Variants in NPSR1 observed in about 807,000 individuals in gnomAD.
NPSR1 encodes neuropeptide S receptor 1.
NPSR1 carries 48 observed loss-of-function variants against 46.9 expected under a neutral mutation model. The ratio of observed to expected loss-of-function variants is 1.02; its 90% CI spans 0.81 to 1.30. The LOEUF (loss-of-function observed/expected upper bound fraction) is 1.30. Ranked by LOEUF, NPSR1 falls within the 50% of genes most tolerant of loss-of-function variation. The probability of loss-of-function intolerance (pLI) is 0.00; values close to 1 mark genes in which losing one functional copy is unlikely to be tolerated. For synonymous variants in NPSR1, 176 were observed against 168.1 expected (o/e 1.05, Z -0.36); for missense variants, 450 against 449.5 (o/e 1.00, Z -0.01).
At chr7:34,732,042 G>A (rs978349456) in intron 2 of NPSR1, among the ~76,000 whole-genome samples, 4 of 142,894 alleles carry the variant, frequency 2.8e-5, no homozygotes, top group Admixed American at 2.1e-4. Context: ...CAGGCTCCAC[G>A]GCATTCCAGC....
chr7:34,775,684 T>C lies in NPSR1; in HGVS notation c.281-2778T>C, dbSNP rs181879745. On this transcript the variant is annotated intron_variant, in intron 2 of 8. Coordinates refer to ENST00000360581, the MANE Select transcript of NPSR1 (RefSeq NM_207172.2). ...CATGACATTTCAAAAATCCAACTTTTTGTTTCATTGATATTTTGTATTGTT... is the reference window on the plus strand; with the variant it reads ...CATGACATTTCAAAAATCCAACTTTCTGTTTCATTGATATTTTGTATTGTT... 3.4e-3 allele frequency among the ~76,000 whole-genome samples: 522 copies of C among 152,276 alleles called. 3 individuals carry two copies. Among genetic ancestry groups the C allele is most frequent in the African/African-American group, 0.012 (507 of 41,598 alleles).
In NPSR1 at chr7:34,658,564, G is replaced by A. The variant is rs1458979830; in HGVS notation, c.147+5G>A. ...TCCTTCTACTACTCCTTTAAGGTAA[G>A]TTTCTTGCCTGCGACTCTGAACACT... On this transcript the variant is annotated splice_donor_5th_base_variant and intron_variant, in intron 1 of 8. Coordinates refer to ENST00000360581, the MANE Select transcript of NPSR1 (RefSeq NM_207172.2). 8 of 1,613,682 alleles carry A rather than the reference G, an allele frequency of 5.0e-6. No homozygotes were observed. In the East Asian group the frequency reaches 1.8e-4, roughly 36 times the overall value.
intron 2 of NPSR1, among the ~76,000 whole-genome samples, chr7:34,754,585 C>T (rs1238977338): frequency 6.6e-6 from 1 of 151,898 alleles, no homozygotes; most frequent in Non-Finnish European, 1.5e-5. Context: ...CCCAGACAGG[C>T]TTCACCTAAT....
intron 3 of NPSR1, among the ~76,000 whole-genome samples, chr7:34,780,202 T>C (rs1787168764): frequency 6.6e-6 from 1 of 152,184 alleles, no homozygotes; most frequent in African/African-American, 2.4e-5. Context: ...CAACTTGGAT[T>C]CAGTATGGGA....
chr7:34,683,446 C>CAAAA lies in NPSR1; in HGVS notation c.148-1095_148-1092dup, dbSNP rs34732541. Among the ~76,000 whole-genome samples the CAAAA allele has an allele frequency of 4.9e-3, 553 of 113,174 alleles. 8 individuals are homozygous for CAAAA. The highest frequency in any genetic ancestry group is 0.016 in the African/African-American group (512 of 32,390). The allele number at this position is 113,174 out of a possible 152,430, so 74.2% of individuals were successfully genotyped here. On this transcript the variant is annotated intron_variant, in intron 1 of 8. Transcript: ENST00000360581. ...TGGGTGACAGAGTGAGACTCTGTCA[C>CAAAA]AAAAAAAAAAAAAATATTTCTTAGA...
intron 2 of NPSR1, among the ~76,000 whole-genome samples, chr7:34,698,999 C>G (rs1793682787): frequency 6.6e-6 from 1 of 152,138 alleles, no homozygotes; most frequent in South Asian, 2.1e-4. Context: ...AGATGACCAT[C>G]TGATTAAGGA....
chr7:34,733,425 A>AG (rs1784525297), intron 2 of NPSR1, among the ~76,000 whole-genome samples: 1 of 151,594 alleles, frequency 6.6e-6, no homozygotes, highest in African/African-American at 2.4e-5. Flanking sequence ...TCTTAAAAAA[A>AG]AAAAAAAAAG....
At chr7:34,858,073 C>CT (rs1287593696) in intron 8 of NPSR1, among the ~76,000 whole-genome samples, 2 of 151,860 alleles carry the variant, frequency 1.3e-5, no homozygotes, top group East Asian at 3.9e-4. Context: ...ATCAGAAATG[C>CT]TTATCTTGTG....
intron 2 of NPSR1, among the ~76,000 whole-genome samples, chr7:34,741,211 G>A (rs2128719069): frequency 6.6e-6 from 1 of 152,286 alleles, no homozygotes; most frequent in East Asian, 1.9e-4. Context: ...TTTTGCATGT[G>A]TAGATTTGTG....
At chr7:34,781,992 A>G (rs542533331) in intron 3 of NPSR1, among the ~76,000 whole-genome samples, 16 of 152,136 alleles carry the variant, frequency 1.1e-4, no homozygotes, top group Non-Finnish European at 2.1e-4. Flanking sequence ...CTCCTTGACT[A>G]ATTTATACGT....
At chr7:34,667,179 G>A (rs1791794107) in intron 1 of NPSR1, among the ~76,000 whole-genome samples, 1 of 152,118 alleles carries the variant, frequency 6.6e-6, no homozygotes, top group East Asian at 1.9e-4. Context: ...CTGGAGCCAT[G>A]GGCTCTGGAC....
intron 3 of NPSR1, among the ~76,000 whole-genome samples, chr7:34,780,219 G>A (rs1232686350): frequency 1.3e-5 from 2 of 152,146 alleles, no homozygotes; most frequent in African/African-American, 2.4e-5. Context: ...GGGAAAAGAA[G>A]AACCACAAAA....
chr7:34,697,145 T>A (rs967352157), intron 2 of NPSR1, among the ~76,000 whole-genome samples: 2 of 151,960 alleles, frequency 1.3e-5, no homozygotes, highest in Non-Finnish European at 1.5e-5. Context: ...TTATTTTTTT[T>A]ATACTATTCT....
intron 8 of NPSR1, chr7:34,877,940 A>G: frequency 1.8e-6 from 1 of 561,728 alleles, no homozygotes; most frequent in South Asian, 2.4e-5. Flanking sequence ...TATTAAGTAC[A>G]AAGTGAAGAA....
intron 2 of NPSR1, among the ~76,000 whole-genome samples, chr7:34,734,320 G>C (rs1399929999): frequency 6.6e-6 from 1 of 152,156 alleles, no homozygotes; most frequent in Non-Finnish European, 1.5e-5. Flanking sequence ...TAAGAATTGA[G>C]AATGCTACTC....
At chr7:34,804,771 A>G (rs1303173749) in intron 3 of NPSR1, among the ~76,000 whole-genome samples, 1 of 152,006 alleles carries the variant, frequency 6.6e-6, no homozygotes, top group East Asian at 1.9e-4. Flanking sequence ...CTATATTAAA[A>G]TCTGAAAGAA....
In NPSR1 at chr7:34,660,140, A is replaced by T. The variant is rs767841872; in HGVS notation, c.147+1581A>T. 1.8e-4 allele frequency: 83 copies of T among 456,648 alleles called. 1 individual carries two copies. The highest frequency in any genetic ancestry group is 3.2e-4 in the Middle Eastern group (1 of 3,098). 28.3% of individuals were successfully genotyped at this position (456,648 alleles called of 1,614,324 possible). A position where few individuals can be genotyped will look rare whatever the true frequency, so the allele number is the denominator to read the frequency against. On this transcript the variant is annotated intron_variant, in intron 1 of 8. Transcript: ENST00000360581. The stretch of plus-strand genomic sequence containing the variant: ...TATCCTAGCAACATCATCGCCAGAC[A>T]CTAAAGAGAATCACAGCATCTCTAG...
At chr7:34,794,093 A>C (rs191256498) in intron 3 of NPSR1, among the ~76,000 whole-genome samples, 1 of 152,228 alleles carries the variant, frequency 6.6e-6, no homozygotes, top group African/African-American at 2.4e-5. Context: ...GGTATGGGAG[A>C]ACACTGGTCA....
At chr7:34,831,196 G>A (rs1790100613) in intron 5 of NPSR1, among the ~76,000 whole-genome samples, 1 of 152,084 alleles carries the variant, frequency 6.6e-6, no homozygotes, top group African/African-American at 2.4e-5. Flanking sequence ...AACAGTTGGT[G>A]AATATTAGAT....
Sources: gnomAD v4.1 joint callset for allele counts (sites outside exome capture counted in the v4.1 genomes callset) on GRCh38, gnomAD v4.1.1 for gene constraint, MANE v1.5 for transcripts, NCBI Gene and HGNC (gene_info 2026-07-23, HGNC 2026-07-21) for gene names.